The following SCNM1 variants were observed in gnomAD, a reference collection of about 807,000 sequenced individuals.
The protein encoded by SCNM1 is sodium channel modifier 1.
A neutral mutation model predicts 32.8 loss-of-function variants in SCNM1; 24 were observed. The ratio of observed to expected loss-of-function variants is 0.73; its 90% confidence interval spans 0.53 to 1.03. SCNM1 has a LOEUF of 1.03. Among genes scored for constraint, SCNM1 ranks in the 50% least tolerant of loss-of-function variants. SCNM1 has a pLI of 0.00. For missense variants in SCNM1, 274 were observed against 282.3 expected (o/e 0.97, Z 0.21); for synonymous variants, 99 against 103.2 (o/e 0.96, Z 0.25).
At chr1:151,168,790 CTTTTTTTTTTT>C (rs147127258) in intron 6 of SCNM1, among the ~76,000 whole-genome samples, 185 bp from the exon 7 acceptor site, 2 of 40,350 alleles carry the variant, frequency 5.0e-5, no homozygotes, top group African/African-American at 2.2e-4. Flanking sequence ...TCACTGCTAA[CTTTTTTTTTTT>C]TTTTTTTTTT....
At chr1:151,167,669 C>A in intron 5 of SCNM1, 2 of 442,722 alleles carry the variant, frequency 4.5e-6, no homozygotes, top group Admixed American at 3.5e-5. Flanking sequence ...CTGTCTCTAC[C>A]AAAAATGTAA....
At position 151,169,810 on chromosome 1, in the gene SCNM1, T is replaced by C. The variant is rs1276715871; in HGVS notation, c.*725T>C. 4.2e-6 allele frequency: 2 copies of C among 475,768 alleles called. No individual in the cohort carries two copies. Among genetic ancestry groups the C allele is most frequent in the Non-Finnish European group, 7.6e-6 (2 of 263,128 alleles). The allele number at this position is 475,768 out of a possible 1,614,324, so 29.5% of individuals were successfully genotyped here. On this transcript the variant is annotated 3_prime_UTR_variant, in exon 7 of 7. Transcript: ENST00000368905. Reference sequence around the variant, plus strand: ...GTGAAAGTAGAAGAGTCAAAAGGCATTGGCAGGGTTATGGGGAACACCAAG... The same window carrying C: ...GTGAAAGTAGAAGAGTCAAAAGGCACTGGCAGGGTTATGGGGAACACCAAG...
intron 6 of SCNM1, among the ~76,000 whole-genome samples, chr1:151,168,736 C>T (rs1392815690): frequency 7.2e-6 from 1 of 139,214 alleles, no homozygotes. Context: ...TCTTTGGTTT[C>T]GTTTTGTTTT....
Position 151,170,125 on chromosome 1 carries a change from CAT to C in SCNM1, c.*1042_*1043del. 2 of 1,614,098 alleles carry C rather than the reference CAT, an allele frequency of 1.2e-6. No individual in the cohort carries two copies. The highest frequency in any genetic ancestry group is 1.7e-6 in the Non-Finnish European group (2 of 1,179,970). ...CGACCTGTAAAGGAGCAATATTAAACATAAGTGTTTGTTCCAGCTCCTGCTTT... is the reference window on the plus strand; with the variant it reads ...CGACCTGTAAAGGAGCAATATTAAACAAGTGTTTGTTCCAGCTCCTGCTTT... On this transcript the variant is annotated 3_prime_UTR_variant, in exon 7 of 7. Coordinates refer to ENST00000368905, the MANE Select transcript of SCNM1 (RefSeq NM_024041.4).
chr1:151,168,974 T>C lies in SCNM1; in HGVS notation c.594-12T>C, dbSNP rs1683851059. 6.2e-7 allele frequency: 1 copy of C among 1,613,864 alleles called. No homozygotes were observed. Reference sequence around the variant, plus strand: ...CTTTCCTGATCGATGCTATTTTCTCTGATGTTTCCAGCTCTGGATGGATCC... The same window carrying C: ...CTTTCCTGATCGATGCTATTTTCTCCGATGTTTCCAGCTCTGGATGGATCC... On this transcript the variant is annotated splice_polypyrimidine_tract_variant and intron_variant, in intron 6 of 6. Transcript: ENST00000368905.
rs41269646 is a variant in SCNM1 at position 151,168,041 on chromosome 1, C to T, written c.399-103C>T. On this transcript the variant is annotated intron_variant, in intron 5 of 6. Coordinates refer to ENST00000368905, the MANE Select transcript of SCNM1 (RefSeq NM_024041.4). ...CTTTGTATGCAGAACTTATTAATAT[C>T]TTGAGAAATATAGTTTAAGAAGCAC... 4 of 1,267,082 alleles carry T rather than the reference C, an allele frequency of 3.2e-6. No homozygotes were observed. The African/African-American group carries it at 6.0e-5, about 19-fold the overall frequency. 78.5% of individuals were successfully genotyped at this position (1,267,082 alleles called of 1,614,324 possible). A position where few individuals can be genotyped will look rare whatever the true frequency, so the allele number is the denominator to read the frequency against.
rs1482204970 is a variant in SCNM1 at position 151,166,273 on chromosome 1, C to A, written c.51+70C>A. On this transcript the variant is annotated intron_variant, in intron 1 of 6. Coordinates refer to ENST00000368905, the MANE Select transcript of SCNM1 (RefSeq NM_024041.4). ...TGAAGGTTGGGAAGGAGCTTTGTTT[C>A]ATTGCTCTGGCAACAACTCGGGGGT... 3.9e-6 allele frequency: 6 copies of A among 1,553,838 alleles called. No individual in the cohort carries two copies. In the East Asian group the frequency reaches 1.4e-4, roughly 37 times the overall value.
Position 151,170,267 on chromosome 1 carries a change from C to A in SCNM1, c.*1182C>A. The A allele has an allele frequency of 1.1e-6, 1 of 888,986 alleles. No homozygotes were observed. The highest frequency in any genetic ancestry group is 2.5e-5 in the East Asian group (1 of 39,722). 55.1% of individuals were successfully genotyped at this position (888,986 alleles called of 1,614,324 possible). ...AACAAAACAAAACAAGAAACCACACCACAAATAAAATTACGATACCTCTAA... is the reference window on the plus strand; with the variant it reads ...AACAAAACAAAACAAGAAACCACACAACAAATAAAATTACGATACCTCTAA... On this transcript the variant is annotated 3_prime_UTR_variant, in exon 7 of 7. Coordinates refer to ENST00000368905, the MANE Select transcript of SCNM1 (RefSeq NM_024041.4).
In SCNM1 at chr1:151,169,752, A is replaced by G. The variant is rs1191816378; in HGVS notation, c.*667A>G. The G allele has an allele frequency of 5.5e-6, 2 of 361,616 alleles. No individual in the cohort carries two copies. Among genetic ancestry groups the G allele is most frequent in the Non-Finnish European group, 1.0e-5 (2 of 194,968 alleles). The allele number at this position is 361,616 out of a possible 1,614,324, so 22.4% of individuals were successfully genotyped here. ...AGGTAGGCACTAGGGGGACCTGGCC[A>G]CATCTGGAAACAGGGCTGTGGCTAA... On this transcript the variant is annotated 3_prime_UTR_variant, in exon 7 of 7. Coordinates refer to ENST00000368905, the MANE Select transcript of SCNM1 (RefSeq NM_024041.4).
rs1282008889 is a variant in SCNM1 at position 151,170,167 on chromosome 1, TTCTCC to T, written c.*1084_*1088del. On this transcript the variant is annotated 3_prime_UTR_variant, in exon 7 of 7. Transcript: ENST00000368905. ...GCTCCTGCTTTCTGCAAAGGCACTC[TTCTCC>T]TTTCCAGTCCCTTAGCCAAACTCAT... 3.5e-5 allele frequency: 56 copies of T among 1,595,462 alleles called. No individual in the cohort carries two copies. The highest frequency in any genetic ancestry group is 4.7e-5 in the Non-Finnish European group (55 of 1,163,322).
At position 151,169,151 on chromosome 1, in the gene SCNM1, C is replaced by T. The variant is rs1291089476; in HGVS notation, c.*66C>T. ...GCTGAGAACTTAACTTTCCTTAAGTCTGGTTCCTTGTTGGATCTCAGGATT... is the reference window on the plus strand; with the variant it reads ...GCTGAGAACTTAACTTTCCTTAAGTTTGGTTCCTTGTTGGATCTCAGGATT... On this transcript the variant is annotated 3_prime_UTR_variant, in exon 7 of 7. Coordinates refer to ENST00000368905, the MANE Select transcript of SCNM1 (RefSeq NM_024041.4). 3 of 1,573,928 alleles carry T rather than the reference C, an allele frequency of 1.9e-6. No individual in the cohort carries two copies. Among genetic ancestry groups the T allele is most frequent in the Middle Eastern group, 3.4e-4 (2 of 5,938 alleles).
In SCNM1 at chr1:151,170,188, C is replaced by T; in HGVS notation, c.*1103C>T. The stretch of plus-strand genomic sequence containing the variant: ...ACTCTTCTCCTTTCCAGTCCCTTAG[C>T]CAAACTCATAAATTGGTAGTGTCTT... On this transcript the variant is annotated 3_prime_UTR_variant, in exon 7 of 7. Transcript: ENST00000368905. The T allele has an allele frequency of 1.3e-6, 2 of 1,535,654 alleles. No homozygotes were observed. Among genetic ancestry groups the T allele is most frequent in the South Asian group, 1.1e-5 (1 of 88,620 alleles).
At position 151,169,220 on chromosome 1, in the gene SCNM1, G is replaced by GAGTAGT; in HGVS notation, c.*135_*136insAGTAGT. On this transcript the variant is annotated 3_prime_UTR_variant, in exon 7 of 7. Transcript: ENST00000368905. Reference sequence around the variant, plus strand: ...ATTCCAACTACTCCTTGCCTGCAAGGTACACAGCTCTCCACACTCCTTTTT... The same window carrying GAGTAGT: ...ATTCCAACTACTCCTTGCCTGCAAGGAGTAGTTACACAGCTCTCCACACTCCTTTTT... 1 of 814,588 alleles carries GAGTAGT rather than the reference G, an allele frequency of 1.2e-6. No homozygotes were observed. The highest frequency in any genetic ancestry group is 1.9e-6 in the Non-Finnish European group (1 of 533,196). 50.5% of individuals were successfully genotyped at this position (814,588 alleles called of 1,614,324 possible).
At position 151,170,011 on chromosome 1, in the gene SCNM1, G is replaced by A; in HGVS notation, c.*926G>A. On this transcript the variant is annotated 3_prime_UTR_variant, in exon 7 of 7. Coordinates refer to ENST00000368905, the MANE Select transcript of SCNM1 (RefSeq NM_024041.4). ...ATGGATAGAAGGGCTTTTATTTACA[G>A]GAAAGGAGGACAGATGAGGATTTAA... 6.3e-7 allele frequency: 1 copy of A among 1,579,264 alleles called. No homozygotes were observed. The highest frequency in any genetic ancestry group is 8.7e-7 in the Non-Finnish European group (1 of 1,149,014).
chr1:151,166,421 C>A (rs1187284566), intron 1 of SCNM1, 50 bp from the exon 2 acceptor site: 1 of 1,611,648 alleles, frequency 6.2e-7, no homozygotes, highest in Non-Finnish European at 8.5e-7. Flanking sequence ...TTCCACCCCT[C>A]TCTCCTATCC....
chr1:151,166,230 G>C (rs768804837), intron 1 of SCNM1, 27 bp downstream of exon 1: 3 of 1,580,230 alleles, frequency 1.9e-6, no homozygotes, highest in Non-Finnish European at 2.6e-6. Flanking sequence ...AGGATCTGGA[G>C]CCGCTTCAGT....
At chr1:151,167,269 C>G (rs750113922) in intron 4 of SCNM1, 51 bp downstream of exon 4, 1 of 1,613,938 alleles carries the variant, frequency 6.2e-7, no homozygotes, top group South Asian at 1.1e-5. Flanking sequence ...CTGCACACAC[C>G]AGGCTGGAAG....
chr1:151,167,304 CTG>C lies in SCNM1; in HGVS notation c.310-20_310-19del. 1.2e-6 allele frequency: 2 copies of C among 1,614,068 alleles called. No homozygotes were observed. Among genetic ancestry groups the C allele is most frequent in the Non-Finnish European group, 1.7e-6 (2 of 1,179,956 alleles). ...GGGCGGAGGGCTGAAGGCTCTGACT[CTG>C]TCTCCCATCTCCTTACCAGGCTCCT... On this transcript the variant is annotated intron_variant, in intron 4 of 6. Transcript: ENST00000368905.
chr1:151,167,075 C>T lies in SCNM1; in HGVS notation c.212-46C>T, dbSNP rs990467801. The T allele has an allele frequency of 4.0e-5, 65 of 1,614,048 alleles. No homozygotes were observed. In the Middle Eastern group the frequency reaches 4.9e-4, roughly 12 times the overall value. On this transcript the variant is annotated intron_variant, in intron 3 of 6. Coordinates refer to ENST00000368905, the MANE Select transcript of SCNM1 (RefSeq NM_024041.4). Reference sequence around the variant, plus strand: ...AATAAACCCTCGAAATCTCTGCACACCACTCTTGGTGCTATGCTTTTAATT... The same window carrying T: ...AATAAACCCTCGAAATCTCTGCACATCACTCTTGGTGCTATGCTTTTAATT...
Sources: allele counts gnomAD v4.1 joint callset (sites outside exome capture counted in the v4.1 genomes callset), GRCh38; gene constraint gnomAD v4.1.1; transcripts MANE v1.5; gene names NCBI Gene and HGNC (gene_info 2026-07-23, HGNC 2026-07-21).